The following CLPB variants were observed in gnomAD, a reference collection of about 807,000 sequenced individuals.
CLPB encodes the protein mitochondrial disaggregase.
Under a neutral mutation model 78.4 loss-of-function variants are expected in CLPB, and 40 were observed. The ratio of observed to expected loss-of-function variants is 0.51; its 90% CI spans 0.40 to 0.66. The LOEUF (loss-of-function observed/expected upper bound fraction) is 0.66. Ranked by LOEUF, CLPB falls within the 30% of genes least tolerant of loss-of-function variation. CLPB has a pLI of 0.00. For missense variants in CLPB, 780 were observed against 886.9 expected (o/e 0.88, Z 1.53); for synonymous variants, 333 against 348.0 (o/e 0.96, Z 0.48).
chr11:72,430,188 G>T, intron 2 of CLPB, 124 bp downstream of exon 2: 1 of 893,032 alleles, frequency 1.1e-6, no homozygotes, highest in Non-Finnish European at 1.8e-6. Flanking sequence ...CTACAGAGAT[G>T]TCACAGGGGA....
chr11:72,332,914 A>G (rs1486743118), intron 5 of CLPB: 2 of 152,312 alleles, frequency 1.3e-5, no homozygotes, highest in East Asian at 3.9e-4. Context: ...ATGAACATTC[A>G]CACACAAGTC....
At chr11:72,366,269 C>T (rs1484055952) in intron 4 of CLPB, among the ~76,000 whole-genome samples, 2 of 152,158 alleles carry the variant, frequency 1.3e-5, no homozygotes, top group Non-Finnish European at 2.9e-5. Flanking sequence ...GGCTGGAGTA[C>T]AATGGTGTGA....
chr11:72,418,003 A>C (rs753215279), intron 2 of CLPB, among the ~76,000 whole-genome samples: 28 of 152,130 alleles, frequency 1.8e-4, no homozygotes, highest in Non-Finnish European at 3.7e-4. Flanking sequence ...CTATCCCTTC[A>C]AACAAAAGGG....
At chr11:72,370,426 T>C (rs189990940) in intron 4 of CLPB, among the ~76,000 whole-genome samples, 1 of 152,328 alleles carries the variant, frequency 6.6e-6, no homozygotes, top group East Asian at 1.9e-4. Flanking sequence ...GGTAACTCTA[T>C]GGTGGCCAGA....
In CLPB at chr11:72,308,528, T is replaced by C. The variant is rs1949784994; in HGVS notation, c.1065A>G (p.Ile355Met). 1 of 1,613,686 alleles carries C rather than the reference T, an allele frequency of 6.2e-7. No individual in the cohort carries two copies. Among genetic ancestry groups the C allele is most frequent in the Admixed American group, 1.7e-5 (1 of 59,992 alleles). ...ACTGGCTGATCTGCTCCCAATTACC[T>C]ATTCCAGATGATCCCAAGAAGAGGA... The part of the protein sequence containing the change: ...LVFLFLGSSG[I>M]GKTELAKQTA... The change falls in exon 8 of 16, where the codon ATA becomes ATG. Residue 355 changes from isoleucine (I) to methionine (M), a missense_variant and splice_region_variant. Transcript: ENST00000538039.
chr11:72,327,947 C>T (rs2135546914), intron 6 of CLPB, among the ~76,000 whole-genome samples: 1 of 152,290 alleles, frequency 6.6e-6, no homozygotes, highest in East Asian at 1.9e-4. Flanking sequence ...CCAGAAGAAA[C>T]TACTGCAAAA....
intron 2 of CLPB, among the ~76,000 whole-genome samples, chr11:72,421,835 C>A (rs1027724979): frequency 1.3e-5 from 2 of 152,222 alleles, no homozygotes; most frequent in African/African-American, 4.8e-5. Flanking sequence ...AGAGCCTCAG[C>A]AAGCCACATA....
intron 3 of CLPB, among the ~76,000 whole-genome samples, chr11:72,397,210 T>TGTC (rs1161190948): frequency 6.6e-6 from 1 of 152,228 alleles, no homozygotes; most frequent in Non-Finnish European, 1.5e-5. Flanking sequence ...CTTTTGTTGT[T>TGTC]GTCATTGTTT....
intron 3 of CLPB, among the ~76,000 whole-genome samples, chr11:72,382,014 C>A (rs559111324): frequency 1.4e-4 from 21 of 152,234 alleles, no homozygotes; most frequent in African/African-American, 4.6e-4. Context: ...CCAGGCTAGC[C>A]CTCACAGACC....
At chr11:72,389,241 A>G (rs1209054570) in intron 3 of CLPB, among the ~76,000 whole-genome samples, 3 of 152,372 alleles carry the variant, frequency 2.0e-5, no homozygotes, top group East Asian at 3.9e-4. Context: ...GGTGACTTAC[A>G]TGGGGAGATG....
rs114818819 is a variant in CLPB at position 72,293,957 on chromosome 11, T to C, written c.1785+65A>G. 2,259 of 1,396,560 alleles carry C rather than the reference T, an allele frequency of 1.6e-3. 28 individuals are homozygous for C. In the African/African-American group the frequency reaches 0.028, roughly 18 times the overall value. The allele number at this position is 1,396,560 out of a possible 1,614,324, so 86.5% of individuals were successfully genotyped here. ...GGAGGCAGGCTGAGAGCTCAGGGAC[T>C]GGGTCTGGGGGGCCCTGGGGAGGGA... On this transcript the variant is annotated intron_variant, in intron 15 of 15. Coordinates refer to ENST00000538039, the MANE Select transcript of CLPB (RefSeq NM_001258392.3).
chr11:72,370,275 A>G (rs1951019068), intron 4 of CLPB, among the ~76,000 whole-genome samples: 1 of 152,314 alleles, frequency 6.6e-6, no homozygotes, highest in Middle Eastern at 3.4e-3. Context: ...TATTCTGTTT[A>G]ATAAAACATG....
At chr11:72,314,819 T>C (rs1344629729) in intron 7 of CLPB, among the ~76,000 whole-genome samples, 3 of 150,832 alleles carry the variant, frequency 2.0e-5, no homozygotes, top group Non-Finnish European at 3.0e-5. Flanking sequence ...ATCGACAGAG[T>C]ATGTGCAGAG....
intron 9 of CLPB, among the ~76,000 whole-genome samples, chr11:72,303,419 G>A (rs559803135): frequency 6.6e-6 from 1 of 152,358 alleles, no homozygotes; most frequent in African/African-American, 2.4e-5. Context: ...TCATTCTACA[G>A]CTGAGACACA....
chr11:72,317,259 C>A, intron 6 of CLPB, 39 bp from the exon 7 acceptor site: 1 of 1,462,834 alleles, frequency 6.8e-7, no homozygotes, highest in Non-Finnish European at 9.4e-7. Context: ...GGCTGCCGGG[C>A]CCATAGCACC....
intron 4 of CLPB, among the ~76,000 whole-genome samples, chr11:72,359,741 A>G (rs1241329136): frequency 9.9e-5 from 15 of 152,200 alleles, no homozygotes. Context: ...TAAAATTGGA[A>G]TTTACTGTAA....
intron 7 of CLPB, chr11:72,310,852 T>C (rs1296672784): frequency 1.3e-5 from 2 of 152,152 alleles, no homozygotes; most frequent in African/African-American, 4.8e-5. Flanking sequence ...AGCTGCACAC[T>C]GCTGGGCTGT....
chr11:72,365,043 G>A (rs572509336), intron 4 of CLPB, among the ~76,000 whole-genome samples: 4 of 152,292 alleles, frequency 2.6e-5, no homozygotes, highest in African/African-American at 9.6e-5. Context: ...AATGAGGCTG[G>A]GGGTGGTGGC....
intron 3 of CLPB, among the ~76,000 whole-genome samples, chr11:72,393,090 C>T (rs911238858): frequency 3.9e-5 from 6 of 152,162 alleles, no homozygotes; most frequent in South Asian, 2.1e-4. Context: ...AGGCATGGCA[C>T]GTTAAGCTGA....
Sources: gnomAD v4.1 joint callset for allele counts (sites outside exome capture counted in the v4.1 genomes callset) on GRCh38, gnomAD v4.1.1 for gene constraint, MANE v1.5 for transcripts, NCBI Gene and HGNC (gene_info 2026-07-23, HGNC 2026-07-21) for gene names.